Variants in INPP5A observed in about 807,000 individuals in gnomAD.
INPP5A encodes inositol polyphosphate-5-phosphatase A, also known as 43 kDa inositol polyphosphate 5-phophatase.
A neutral mutation model predicts 65.2 loss-of-function variants in INPP5A; 14 were observed. That is an observed-to-expected ratio of 0.21 (90% confidence interval 0.14 to 0.34). The LOEUF (loss-of-function observed/expected upper bound fraction) is 0.34. Ranked by LOEUF, INPP5A falls within the 10% of genes least tolerant of loss-of-function variation. INPP5A has a pLI of 1.00. For synonymous variants in INPP5A, 207 were observed against 208.3 expected (o/e 0.99, Z 0.05); for missense variants, 431 against 545.6 (o/e 0.79, Z 2.09).
At chr10:132,725,380 C>T (rs529972466) in intron 8 of INPP5A, among the ~76,000 whole-genome samples, 7 of 152,322 alleles carry the variant, frequency 4.6e-5, no homozygotes, top group Non-Finnish European at 7.4e-5. Flanking sequence ...TTGGTGGCCC[C>T]GGCTGGTGCC....
Position 132,646,460 on chromosome 10 carries a change from C to T in INPP5A, c.218+492C>T, listed in dbSNP as rs561551787. ...CAGGGCCGGCCCAACTGGGTCCTGC[C>T]TGGGAAGAGGGGGCGCCCGGACCTG... On this transcript the variant is annotated intron_variant, in intron 3 of 15. Transcript: ENST00000368594. Among the ~76,000 whole-genome samples, 17 of 152,298 alleles carry T rather than the reference C, an allele frequency of 1.1e-4. No individual in the cohort carries two copies. The East Asian group carries it at 3.3e-3, about 29-fold the overall frequency.
chr10:132,622,372 G>A (rs1174135063), intron 2 of INPP5A, among the ~76,000 whole-genome samples: 5 of 112,276 alleles, frequency 4.5e-5, no homozygotes, highest in East Asian at 2.9e-4. Context: ...GAAATATACC[G>A]CGTTCGTGGA....
chr10:132,742,791 G>T (rs1356184741), intron 9 of INPP5A, among the ~76,000 whole-genome samples: 2 of 152,238 alleles, frequency 1.3e-5, no homozygotes, highest in Non-Finnish European at 2.9e-5. Context: ...TGAAATTCAT[G>T]ATGCCGGTTT....
At chr10:132,780,455 G>A (rs1055044602) in intron 13 of INPP5A, among the ~76,000 whole-genome samples, 1 of 152,256 alleles carries the variant, frequency 6.6e-6, no homozygotes, top group African/African-American at 2.4e-5. Context: ...GAGCACACCT[G>A]CACAGAAAGC....
At chr10:132,731,166 A>T (rs1315093523) in intron 9 of INPP5A, among the ~76,000 whole-genome samples, 2 of 152,190 alleles carry the variant, frequency 1.3e-5, no homozygotes, top group African/African-American at 2.4e-5. Flanking sequence ...ATCCCAGGGA[A>T]GAGTCAGGCC....
At position 132,691,794 on chromosome 10, in the gene INPP5A, T is replaced by C. The variant is rs1414752019; in HGVS notation, c.370+1339T>C. Among the ~76,000 whole-genome samples, 6 of 151,812 alleles carry C rather than the reference T, an allele frequency of 4.0e-5. No individual in the cohort carries two copies. The East Asian group carries it at 9.7e-4, about 25-fold the overall frequency. ...AGGAGGCGTGTGGACGCGGGAGACG[T>C]GTGGACATGGGAGACGTGCGGTCGC... On this transcript the variant is annotated intron_variant, in intron 5 of 15. Transcript: ENST00000368594.
At chr10:132,542,592 G>A (rs2070920895) in intron 1 of INPP5A, among the ~76,000 whole-genome samples, 1 of 152,224 alleles carries the variant, frequency 6.6e-6, no homozygotes, top group Admixed American at 6.5e-5. Flanking sequence ...TGGGGTGGGG[G>A]GGTCTCCCCT....
At chr10:132,646,413 G>A (rs2072495517) in intron 3 of INPP5A, among the ~76,000 whole-genome samples, 1 of 152,162 alleles carries the variant, frequency 6.6e-6, no homozygotes, top group South Asian at 2.1e-4. Flanking sequence ...TATTCCCACT[G>A]TACATGCCCT....
intron 1 of INPP5A, among the ~76,000 whole-genome samples, chr10:132,585,548 G>A (rs965151128): frequency 3.3e-5 from 5 of 152,258 alleles, no homozygotes; most frequent in East Asian, 3.9e-4. Context: ...CGTTACAGGC[G>A]TCCACTGGGG....
chr10:132,620,717 A>C (rs1030856351), intron 2 of INPP5A, among the ~76,000 whole-genome samples: 20 of 152,322 alleles, frequency 1.3e-4, no homozygotes, highest in Admixed American at 1.3e-3. Flanking sequence ...CTATTCAATT[A>C]AAAATTTGCC....
intron 11 of INPP5A, among the ~76,000 whole-genome samples, chr10:132,755,075 T>C (rs1465452390): frequency 6.6e-6 from 1 of 150,510 alleles, no homozygotes; most frequent in Non-Finnish European, 1.5e-5. Context: ...GTGTGTGTGA[T>C]CATATGTGCA....
At chr10:132,728,893 C>G (rs112437226) in intron 9 of INPP5A, among the ~76,000 whole-genome samples, 7,421 of 152,218 alleles carry the variant, frequency 0.049, 259 homozygotes, top group African/African-American at 0.099. Context: ...CACAAGGCGT[C>G]GGGGGCAGTG....
intron 4 of INPP5A, among the ~76,000 whole-genome samples, chr10:132,652,658 C>T (rs1026155736): frequency 1.8e-4 from 28 of 152,154 alleles, no homozygotes; most frequent in African/African-American, 5.3e-4. Context: ...TCATGGGGAC[C>T]ATCGCTCAGC....
intron 1 of INPP5A, among the ~76,000 whole-genome samples, chr10:132,548,040 C>G (rs538763391): frequency 3.2e-4 from 48 of 152,124 alleles, no homozygotes; most frequent in Non-Finnish European, 6.0e-4. Context: ...GCTGGGATTA[C>G]AGGCGTGCAC....
At chr10:132,658,817 ACCAAGACCGCCGAGACTG>A (rs2072695547) in intron 4 of INPP5A, among the ~76,000 whole-genome samples, 1 of 151,972 alleles carries the variant, frequency 6.6e-6, no homozygotes. Flanking sequence ...CGCCAAAGCC[ACCAAGACCGCCGAGACTG>A]CCAAGACCAC....
At position 132,558,318 on chromosome 10, in the gene INPP5A, C is replaced by T. The variant is rs565891156; in HGVS notation, c.75+20147C>T. Among the ~76,000 whole-genome samples, 30 of 152,342 alleles carry T rather than the reference C, an allele frequency of 2.0e-4. No homozygotes were observed. In the East Asian group the frequency reaches 2.7e-3, roughly 14 times the overall value. ...CTCTGGGGCTCTCCCCCCCGGCCCACGCTCTCCTGAGAGGCCACTCGCTCC... is the reference window on the plus strand; with the variant it reads ...CTCTGGGGCTCTCCCCCCCGGCCCATGCTCTCCTGAGAGGCCACTCGCTCC... On this transcript the variant is annotated intron_variant, in intron 1 of 15. Transcript: ENST00000368594.
intron 4 of INPP5A, among the ~76,000 whole-genome samples, chr10:132,670,495 G>A (rs2072875427): frequency 9.3e-6 from 1 of 106,962 alleles, no homozygotes; most frequent in Non-Finnish European, 1.8e-5. Context: ...GTAGTCCCCA[G>A]CCCCTGGCTG....
rs575558192 is a variant in INPP5A, at chr10:132,776,192, C to T, written c.978-1479C>T. ...AAAGCATGTGCAGCTGTTCTCTGCT[C>T]TGTGCTCTTCAGAGACATGCATGAC... On this transcript the variant is annotated intron_variant, in intron 12 of 15. Coordinates refer to ENST00000368594, the MANE Select transcript of INPP5A (RefSeq NM_005539.5). 2.0e-3 allele frequency among the ~76,000 whole-genome samples: 303 copies of T among 152,348 alleles called. 1 individual carries two copies. Among genetic ancestry groups the T allele is most frequent in the South Asian group, 0.014 (68 of 4,834 alleles).
Position 132,782,074 on chromosome 10 carries a change from G to A in INPP5A, c.*45G>A. On this transcript the variant is annotated 3_prime_UTR_variant, in exon 16 of 16. Coordinates refer to ENST00000368594, the MANE Select transcript of INPP5A (RefSeq NM_005539.5). The surrounding 1 kb of genome is among the most constrained non-coding windows in gnomAD (Gnocchi z 4.4). The stretch of plus-strand genomic sequence containing the variant: ...AGCGCCACGAGAGGACACTTCGTGA[G>A]CCTCCCTGTAGCCGTGGACCGAATA... 4 of 1,552,910 alleles carry A rather than the reference G, an allele frequency of 2.6e-6. No individual in the cohort carries two copies. Among genetic ancestry groups the A allele is most frequent in the Non-Finnish European group, 3.5e-6 (4 of 1,145,696 alleles).
Sources: gnomAD v4.1 joint callset for allele counts (sites outside exome capture counted in the v4.1 genomes callset) on GRCh38, gnomAD v4.1.1 for gene constraint, Gnocchi (gnomAD v3.1) non-coding constraint, MANE v1.5 for transcripts, NCBI Gene and HGNC (gene_info 2026-07-23, HGNC 2026-07-21) for gene names.